Variants in LMO3 observed in about 807,000 individuals in gnomAD.
LMO3 encodes the protein LIM domain only protein 3.
Under a neutral mutation model 15.8 loss-of-function variants are expected in LMO3, and 2 were observed. The ratio of observed to expected loss-of-function variants is 0.13; its 90% CI spans 0.05 to 0.40. The LOEUF (loss-of-function observed/expected upper bound fraction) is 0.40. LMO3 is among the 10% of genes least tolerant of loss of function. The pLI, the probability that LMO3 is intolerant of heterozygous loss-of-function variation, is 0.99. For missense variants in LMO3, 86 were observed against 182.2 expected (o/e 0.47, Z 3.04); for synonymous variants, 62 against 63.8 (o/e 0.97, Z 0.13).
chr12:16,607,576 C>T (rs1944039752), upstream of LMO3: 1 of 152,110 alleles, frequency 6.6e-6, no homozygotes, highest in Non-Finnish European at 1.5e-5. Flanking sequence ...TCTGTTTGGG[C>T]TGCTCTTAAA....
At chr12:16,581,730 T>C (rs115179617) in intron 2 of LMO3, among the ~76,000 whole-genome samples, 4,010 of 152,216 alleles carry the variant, frequency 0.026, 183 homozygotes, top group African/African-American at 0.091. Flanking sequence ...GGACTTTTTT[T>C]TCAGCAGAGT....
intron 2 of LMO3, among the ~76,000 whole-genome samples, chr12:16,575,540 A>G (rs1792718249): frequency 6.6e-6 from 1 of 152,226 alleles, no homozygotes; most frequent in African/African-American, 2.4e-5. Flanking sequence ...TAAGCATTTG[A>G]CACGAGTTAT....
At position 16,604,728 on chromosome 12, in the gene LMO3, T is replaced by G; in HGVS notation, c.-9+1338A>C. 1 of 931,468 alleles carries G rather than the reference T, an allele frequency of 1.1e-6. No homozygotes were observed. The highest frequency in any genetic ancestry group is 1.7e-6 in the Non-Finnish European group (1 of 599,630). The allele number at this position is 931,468 out of a possible 1,614,324, so 57.7% of individuals were successfully genotyped here. A position where few individuals can be genotyped will look rare whatever the true frequency, so the allele number is the denominator to read the frequency against. On this transcript the variant is annotated intron_variant, in intron 1 of 3. Transcript: ENST00000537304. The surrounding 1 kb of genome is among the most constrained non-coding windows in gnomAD (Gnocchi z 5.3). Reference sequence around the variant, plus strand: ...CAAGATTAATTGGTTTAAGCAGCAGTCTTTCAAAGCAGTTACAACAATAAT... The same window carrying G: ...CAAGATTAATTGGTTTAAGCAGCAGGCTTTCAAAGCAGTTACAACAATAAT...
chr12:16,552,784 G>C (rs540913581), intron 3 of LMO3, among the ~76,000 whole-genome samples: 1 of 152,114 alleles, frequency 6.6e-6, no homozygotes, highest in South Asian at 2.1e-4. Flanking sequence ...ATTCAAGTTT[G>C]GGGCTTTAAG....
chr12:16,605,938 CCA>C (rs970023401), intron 1 of LMO3, 126 bp downstream of exon 1: 2 of 934,104 alleles, frequency 2.1e-6, no homozygotes, highest in African/African-American at 3.3e-5. Flanking sequence ...GGTTGCAGCT[CCA>C]GTTTATGCCT....
rs548855889 is a variant in LMO3 at position 16,566,130 on chromosome 12, A to ATAAG, written c.207-5596_207-5593dup. Among the ~76,000 whole-genome samples, 74 of 149,204 alleles carry ATAAG rather than the reference A, an allele frequency of 5.0e-4. 1 individual carries two copies. The South Asian group carries it at 0.016, about 32-fold the overall frequency. ...CCTGGAGGGCATCATGTTAAATGAA[A>ATAAG]TAAGCCAGGCATAGATGGAAAAATA... On this transcript the variant is annotated intron_variant, in intron 2 of 3. Coordinates refer to ENST00000537304, the MANE Select transcript of LMO3 (RefSeq NM_018640.5).
At position 16,576,527 on chromosome 12, in the gene LMO3, G is replaced by C. The variant is rs916092749; in HGVS notation, c.207-15989C>G. Among the ~76,000 whole-genome samples the C allele has an allele frequency of 1.3e-5, 2 of 152,050 alleles. No homozygotes were observed. Among genetic ancestry groups the C allele is most frequent in the Non-Finnish European group, 2.9e-5 (2 of 68,030 alleles). ...GCAGAATAAATAACACACTTCTTTA[G>C]ACATTTAAGCACTTGTTTTCATATA... On this transcript the variant is annotated intron_variant, in intron 2 of 3. Coordinates refer to ENST00000537304, the MANE Select transcript of LMO3 (RefSeq NM_018640.5). This position sits in a 1 kb window ranked among gnomAD's most constrained non-coding sequence, Gnocchi z 4.1.
At chr12:16,551,430 T>C in intron 3 of LMO3, 103 bp from the exon 4 acceptor site, 1 of 698,076 alleles carries the variant, frequency 1.4e-6, no homozygotes, top group Non-Finnish European at 2.5e-6. Flanking sequence ...GGTAATTCCC[T>C]GAATCTGAAA....
Position 16,589,094 on chromosome 12 carries a change from A to G in LMO3, c.206+11561T>C, listed in dbSNP as rs1943412625. Among the ~76,000 whole-genome samples the G allele has an allele frequency of 6.6e-6, 1 of 152,112 alleles. No homozygotes were observed. Among genetic ancestry groups the G allele is most frequent in the South Asian group, 2.1e-4 (1 of 4,826 alleles). ...GGTCGACGTCAGGTCTGGATACCTC[A>G]CCGTGATGCAACCTGACATGCCTCT... On this transcript the variant is annotated intron_variant, in intron 2 of 3. Coordinates refer to ENST00000537304, the MANE Select transcript of LMO3 (RefSeq NM_018640.5). This position sits in a 1 kb window ranked among gnomAD's most constrained non-coding sequence, Gnocchi z 4.2.
At chr12:16,566,040 A>ATATATATATATATATAT (rs1942598708) in intron 2 of LMO3, among the ~76,000 whole-genome samples, 1 of 106,802 alleles carries the variant, frequency 9.4e-6, no homozygotes, top group Non-Finnish European at 1.9e-5. Flanking sequence ...ATATATATAT[A>ATATATATATATATATAT]AAATGGAGTA....
chr12:16,595,015 C>T (rs1200629276), intron 2 of LMO3, among the ~76,000 whole-genome samples: 1 of 151,394 alleles, frequency 6.6e-6, no homozygotes, highest in African/African-American at 2.4e-5. Flanking sequence ...TTTAGCAATT[C>T]TCAAATGTAG....
rs552897924 is a variant in LMO3, at chr12:16,576,817, A to T, written c.207-16279T>A. ...CATCTATTTTTAAATACCATTTTAA[A>T]TTCAGTGTACAATGGACATAAGACC... is the stretch of plus-strand genomic sequence containing the variant. On this transcript the variant is annotated intron_variant, in intron 2 of 3. Transcript: ENST00000537304. The surrounding 1 kb of genome is among the most constrained non-coding windows in gnomAD (Gnocchi z 4.1). Among the ~76,000 whole-genome samples the T allele has an allele frequency of 1.3e-5, 2 of 152,376 alleles. No individual in the cohort carries two copies. The highest frequency in any genetic ancestry group is 2.4e-5 in the African/African-American group (1 of 41,588).
intron 2 of LMO3, among the ~76,000 whole-genome samples, chr12:16,588,990 A>G (rs551893691): frequency 2.8e-4 from 43 of 152,012 alleles, no homozygotes; most frequent in Non-Finnish European, 5.7e-4. Flanking sequence ...TAGGATTCCT[A>G]TTTCTAGAGA....
chr12:16,589,134 A>T lies in LMO3; in HGVS notation c.206+11521T>A, dbSNP rs1753478040. On this transcript the variant is annotated intron_variant, in intron 2 of 3. Transcript: ENST00000537304. This position sits in a 1 kb window ranked among gnomAD's most constrained non-coding sequence, Gnocchi z 4.2. ...GACATGCCTCTAAGATCTACGAATTAGATGTAACCTCACCCAGTTTGGAAG... is the reference window on the plus strand; with the variant it reads ...GACATGCCTCTAAGATCTACGAATTTGATGTAACCTCACCCAGTTTGGAAG... Among the ~76,000 whole-genome samples, 1 of 152,118 alleles carries T rather than the reference A, an allele frequency of 6.6e-6. No individual in the cohort carries two copies. The highest frequency in any genetic ancestry group is 2.4e-5 in the African/African-American group (1 of 41,436).
At chr12:16,592,603 G>A (rs1943528392) in intron 2 of LMO3, among the ~76,000 whole-genome samples, 1 of 151,894 alleles carries the variant, frequency 6.6e-6, no homozygotes. Context: ...TAAAGGAACA[G>A]GTACTGATCC....
Position 16,593,668 on chromosome 12 carries a change from G to T in LMO3, c.206+6987C>A, listed in dbSNP as rs1265718565. 5.9e-5 allele frequency among the ~76,000 whole-genome samples: 9 copies of T among 151,860 alleles called. No homozygotes were observed. In the South Asian group the frequency reaches 8.3e-4, roughly 14 times the overall value. ...AGTTTGTGAAGATAGAAAACGTTTGGCTTCTATAATAAGAGGATATGCTTA... is the reference window on the plus strand; with the variant it reads ...AGTTTGTGAAGATAGAAAACGTTTGTCTTCTATAATAAGAGGATATGCTTA... On this transcript the variant is annotated intron_variant, in intron 2 of 3. Transcript: ENST00000537304. This position sits in a 1 kb window ranked among gnomAD's most constrained non-coding sequence, Gnocchi z 4.2.
In LMO3 at chr12:16,598,901, C is replaced by A; in HGVS notation, c.206+1754G>T. ...ATTTTTGTCCTTTGGTTTATTAAAACACCTTAACATTGCCCGGGCTATATA... is the reference window on the plus strand; with the variant it reads ...ATTTTTGTCCTTTGGTTTATTAAAAAACCTTAACATTGCCCGGGCTATATA... On this transcript the variant is annotated intron_variant, in intron 2 of 3. Coordinates refer to ENST00000537304, the MANE Select transcript of LMO3 (RefSeq NM_018640.5). This position sits in a 1 kb window ranked among gnomAD's most constrained non-coding sequence, Gnocchi z 4.3. 2 of 304,740 alleles carry A rather than the reference C, an allele frequency of 6.6e-6. No homozygotes were observed. Among genetic ancestry groups the A allele is most frequent in the Non-Finnish European group, 1.3e-5 (2 of 149,506 alleles). 18.9% of individuals were successfully genotyped at this position (304,740 alleles called of 1,614,324 possible).
intron 2 of LMO3, among the ~76,000 whole-genome samples, chr12:16,578,818 AAACAACAACAACAACAACAAC>A (rs201327858): frequency 7.1e-5 from 10 of 141,136 alleles, no homozygotes; most frequent in African/African-American, 1.2e-4. Flanking sequence ...ATTCTGTCTC[AAACAACAACAACAACAACAAC>A]AACAACAACA....
At chr12:16,595,447 A>G (rs1194956398) in intron 2 of LMO3, among the ~76,000 whole-genome samples, 1 of 151,404 alleles carries the variant, frequency 6.6e-6, no homozygotes, top group Non-Finnish European at 1.5e-5. Flanking sequence ...CAGGAAGTCT[A>G]ATGTGAATTC....
Sources: allele counts gnomAD v4.1 joint callset (sites outside exome capture counted in the v4.1 genomes callset), GRCh38; gene constraint gnomAD v4.1.1; non-coding constraint Gnocchi (gnomAD v3.1); transcripts MANE v1.5; gene names NCBI Gene and HGNC (gene_info 2026-07-23, HGNC 2026-07-21).